GRM4: variants seen among roughly 807,000 people sequenced by gnomAD.
GRM4 encodes glutamate metabotropic receptor 4.
A neutral mutation model predicts 81.7 loss-of-function variants in GRM4; 28 were observed. The ratio of observed to expected loss-of-function variants is 0.34; its 90% CI spans 0.25 to 0.47. The LOEUF is 0.47. GRM4 is among the 20% of genes least tolerant of loss of function. GRM4 has a pLI of 1.00. For synonymous variants in GRM4, 488 were observed against 528.8 expected (o/e 0.92, Z 1.06); for missense variants, 948 against 1,290.0 (o/e 0.73, Z 4.06).
chr6:34,065,318 C>T (rs1021670549), intron 3 of GRM4, among the ~76,000 whole-genome samples: 2 of 152,158 alleles, frequency 1.3e-5, no homozygotes, highest in African/African-American at 4.8e-5. Flanking sequence ...CTGCTTCTAA[C>T]CTCTCCCCTA....
rs1766776131 is a variant in GRM4 at position 34,070,756 on chromosome 6, C to T, written c.737-8728G>A. On this transcript the variant is annotated intron_variant, in intron 3 of 10. Transcript: ENST00000538487. This position sits in a 1 kb window ranked among gnomAD's most constrained non-coding sequence, Gnocchi z 4.6. ...ACACATCCTTTCCCTCCTGAAGGCT[C>T]TCAGCACCCCCACCACACCCCCGCC... Among the ~76,000 whole-genome samples the T allele has an allele frequency of 6.6e-6, 1 of 150,938 alleles. No individual in the cohort carries two copies. The highest frequency in any genetic ancestry group is 1.5e-5 in the Non-Finnish European group (1 of 67,696).
chr6:34,049,871 C>T (rs1463391531), intron 6 of GRM4, among the ~76,000 whole-genome samples: 1 of 152,176 alleles, frequency 6.6e-6, no homozygotes, highest in Admixed American at 6.5e-5. Flanking sequence ...TGGATTACAG[C>T]ACCAGCCTCC....
intron 10 of GRM4, among the ~76,000 whole-genome samples, chr6:34,027,589 G>T (rs1274368489): frequency 6.6e-6 from 1 of 152,218 alleles, no homozygotes; most frequent in Non-Finnish European, 1.5e-5. Flanking sequence ...CCTGCTAGGG[G>T]GTGGCTGAAC....
chr6:34,088,417 C>T (rs190244860), intron 3 of GRM4, among the ~76,000 whole-genome samples: 50 of 152,170 alleles, frequency 3.3e-4, no homozygotes, highest in African/African-American at 1.2e-3. Flanking sequence ...CCACCGTACC[C>T]GACCACACAT....
chr6:34,040,126 G>T, intron 8 of GRM4, 52 bp downstream of exon 8: 1 of 1,578,238 alleles, frequency 6.3e-7, no homozygotes. Context: ...CCCCTCCCAG[G>T]GGCTGGAACT....
chr6:34,031,039 C>G (rs1315546916), intron 9 of GRM4, among the ~76,000 whole-genome samples: 2 of 152,202 alleles, frequency 1.3e-5, no homozygotes, highest in Non-Finnish European at 2.9e-5. Context: ...TCTGGAGCCC[C>G]CTCTGTGAAG....
In GRM4 at chr6:34,044,161, TAC is replaced by T. The variant is rs531019999; in HGVS notation, c.1169-3415_1169-3414del. On this transcript the variant is annotated intron_variant, in intron 6 of 10. Coordinates refer to ENST00000538487, the MANE Select transcript of GRM4 (RefSeq NM_000841.4). Reference sequence around the variant, plus strand: ...ATACATACATACACATATATACACATACACACACATATACATACATACACATA... The same window carrying T: ...ATACATACATACACATATATACACATACACACATATACATACATACACATA... Among the ~76,000 whole-genome samples, 377 of 145,002 alleles carry T rather than the reference TAC, an allele frequency of 2.6e-3. 3 individuals are homozygous for T. The highest frequency in any genetic ancestry group is 8.8e-3 in the African/African-American group (343 of 38,994).
In GRM4 at chr6:34,037,934, G is replaced by A. The variant is rs1265813750; in HGVS notation, c.1507-1331C>T. Among the ~76,000 whole-genome samples the A allele has an allele frequency of 2.0e-5, 3 of 152,240 alleles. No individual in the cohort carries two copies. In the East Asian group the frequency reaches 5.8e-4, roughly 29 times the overall value. On this transcript the variant is annotated intron_variant, in intron 8 of 10. Transcript: ENST00000538487. ...GTAGGGATGCCTCGTGGCAAGGTAG[G>A]AAGAAAACCTCAAGGTAGAAGGTTG...
intron 2 of GRM4, chr6:34,110,520 G>A: frequency 2.0e-6 from 1 of 505,508 alleles, no homozygotes; most frequent in Non-Finnish European, 3.5e-6. Context: ...TCTGCCAACT[G>A]GGCTTTTCCG....
Position 34,022,692 on chromosome 6 carries a change from C to T in GRM4, c.*129G>A. ...TGATGGCTGGGGGCTCTGCTATCCT[C>T]AGCACCAAGCCACGTCCGTGGGTGC... On this transcript the variant is annotated 3_prime_UTR_variant, in exon 11 of 11. Coordinates refer to ENST00000538487, the MANE Select transcript of GRM4 (RefSeq NM_000841.4). The surrounding 1 kb of genome is among the most constrained non-coding windows in gnomAD (Gnocchi z 5.6). 2 of 795,382 alleles carry T rather than the reference C, an allele frequency of 2.5e-6. No homozygotes were observed. Among genetic ancestry groups the T allele is most frequent in the South Asian group, 1.5e-5 (1 of 65,832 alleles). 49.3% of individuals were successfully genotyped at this position (795,382 alleles called of 1,614,324 possible). A position where few individuals can be genotyped will look rare whatever the true frequency, so the allele number is the denominator to read the frequency against.
chr6:34,071,091 C>T lies in GRM4; in HGVS notation c.737-9063G>A, dbSNP rs551408130. On this transcript the variant is annotated intron_variant, in intron 3 of 10. Coordinates refer to ENST00000538487, the MANE Select transcript of GRM4 (RefSeq NM_000841.4). ...ACACTACACCCAATCCCATCACATCCTCCACATACACACCCACAAACCCGG... is the reference window on the plus strand; with the variant it reads ...ACACTACACCCAATCCCATCACATCTTCCACATACACACCCACAAACCCGG... Among the ~76,000 whole-genome samples, 5 of 151,948 alleles carry T rather than the reference C, an allele frequency of 3.3e-5. 1 individual carries two copies. In the South Asian group the frequency reaches 6.2e-4, roughly 19 times the overall value.
At chr6:34,141,898 C>G (rs1283171234) in intron 1 of GRM4, among the ~76,000 whole-genome samples, 1 of 152,142 alleles carries the variant, frequency 6.6e-6, no homozygotes, top group Non-Finnish European at 1.5e-5. Flanking sequence ...TCAGGTTCAT[C>G]TGGGAGGCAG....
intron 2 of GRM4, among the ~76,000 whole-genome samples, chr6:34,119,532 C>T (rs1305405863): frequency 6.6e-6 from 1 of 152,200 alleles, no homozygotes; most frequent in Non-Finnish European, 1.5e-5. Flanking sequence ...CGGCACCAGC[C>T]CTGCCCCTCT....
In GRM4 at chr6:34,022,663, G is replaced by T. The variant is rs1047989910; in HGVS notation, c.*158C>A. ...CTCACCCGGTTTGCCCAGGCTGCCAGCAGTGATGGCTGGGGGCTCTGCTAT... is the reference window on the plus strand; with the variant it reads ...CTCACCCGGTTTGCCCAGGCTGCCATCAGTGATGGCTGGGGGCTCTGCTAT... On this transcript the variant is annotated 3_prime_UTR_variant, in exon 11 of 11. Coordinates refer to ENST00000538487, the MANE Select transcript of GRM4 (RefSeq NM_000841.4). The surrounding 1 kb of genome is among the most constrained non-coding windows in gnomAD (Gnocchi z 5.6). The T allele has an allele frequency of 1.1e-5, 7 of 655,558 alleles. No homozygotes were observed. The East Asian group carries it at 1.9e-4, about 18-fold the overall frequency. 40.6% of individuals were successfully genotyped at this position (655,558 alleles called of 1,614,324 possible). A position where few individuals can be genotyped will look rare whatever the true frequency, so the allele number is the denominator to read the frequency against.
chr6:34,076,887 G>A (rs950650125), intron 3 of GRM4, among the ~76,000 whole-genome samples: 1 of 152,086 alleles, frequency 6.6e-6, no homozygotes, highest in South Asian at 2.1e-4. Context: ...GGGACATGGG[G>A]GGTGGAAGAC....
chr6:34,082,719 G>A (rs1767669407), intron 3 of GRM4, among the ~76,000 whole-genome samples: 2 of 152,262 alleles, frequency 1.3e-5, no homozygotes, highest in African/African-American at 4.8e-5. Flanking sequence ...CACCCGGCAA[G>A]CACCGTATAG....
chr6:34,105,793 C>T (rs1009782654), intron 2 of GRM4: 1 of 152,294 alleles, frequency 6.6e-6, no homozygotes, highest in Non-Finnish European at 1.5e-5. Flanking sequence ...AACTGCTACT[C>T]TGCCTTCCAG....
intron 8 of GRM4, 65 bp downstream of exon 8, chr6:34,040,113 G>GC: frequency 2.6e-6 from 4 of 1,513,910 alleles, no homozygotes; most frequent in Admixed American, 1.7e-5. Flanking sequence ...CTCCCCTTGG[G>GC]CCCCCCTCCC....
intron 2 of GRM4, among the ~76,000 whole-genome samples, chr6:34,107,953 G>A (rs1769203169): frequency 6.6e-6 from 1 of 152,202 alleles, no homozygotes; most frequent in Non-Finnish European, 1.5e-5. Context: ...AAAACACAAG[G>A]GCCTGGAGCC....
Sources: allele counts gnomAD v4.1 joint callset (sites outside exome capture counted in the v4.1 genomes callset), GRCh38; gene constraint gnomAD v4.1.1; non-coding constraint Gnocchi (gnomAD v3.1); transcripts MANE v1.5; gene names NCBI Gene and HGNC (gene_info 2026-07-23, HGNC 2026-07-21).